EXOC4: variants seen among roughly 807,000 people sequenced by gnomAD.
The protein encoded by EXOC4 is SEC8-like 1.
In EXOC4, 71 loss-of-function variants were observed where a neutral mutation model predicts 107.2. The observed-to-expected ratio is 0.66, with a 90% CI of 0.55 to 0.81. The LOEUF (loss-of-function observed/expected upper bound fraction) is 0.81. Among genes scored for constraint, EXOC4 ranks in the 30% least tolerant of loss-of-function variants. The pLI is 0.00. For missense variants in EXOC4, 1,108 were observed against 1,189.6 expected (o/e 0.93, Z 1.01); for synonymous variants, 456 against 441.2 (o/e 1.03, Z -0.42).
intron 10 of EXOC4, among the ~76,000 whole-genome samples, chr7:133,786,497 A>G (rs973509683): frequency 1.3e-5 from 2 of 152,264 alleles, no homozygotes; most frequent in Non-Finnish European, 1.5e-5. Flanking sequence ...AGCACGGCCC[A>G]GAACGTAACT....
rs1799119460 is a variant in EXOC4 at position 133,480,153 on chromosome 7, T to G, written c.1417+15T>G. On this transcript the variant is annotated intron_variant, in intron 9 of 17. Transcript: ENST00000253861. ...AGAACTGCAAGGTGAGTGATTGAGC[T>G]TCTCTGGAAAAATTAATTTTCTGGA... is the stretch of plus-strand genomic sequence containing the variant. 6.2e-7 allele frequency: 1 copy of G among 1,613,120 alleles called. No individual in the cohort carries two copies. Among genetic ancestry groups the G allele is most frequent in the Non-Finnish European group, 8.5e-7 (1 of 1,179,286 alleles).
chr7:133,290,336 G>T (rs1287514288), intron 3 of EXOC4, among the ~76,000 whole-genome samples: 1 of 152,102 alleles, frequency 6.6e-6, no homozygotes, highest in East Asian at 1.9e-4. Flanking sequence ...ATTGACTCTT[G>T]GGAATGACAA....
At chr7:134,003,340 G>T (rs1434569637) in intron 15 of EXOC4, among the ~76,000 whole-genome samples, 1 of 152,140 alleles carries the variant, frequency 6.6e-6, no homozygotes, top group African/African-American at 2.4e-5. Flanking sequence ...TTTTGGAGGA[G>T]ATGTTTGTGT....
At chr7:134,007,887 G>T (rs781634631) in intron 17 of EXOC4, 52 bp downstream of exon 17, 41 of 1,501,778 alleles carry the variant, frequency 2.7e-5, no homozygotes, top group South Asian at 7.9e-5. Flanking sequence ...AGACCTCGTT[G>T]CCTGTGAAGT....
chr7:133,759,144 ATTTT>A (rs34768347), intron 10 of EXOC4, among the ~76,000 whole-genome samples: 1 of 140,624 alleles, frequency 7.1e-6, no homozygotes. Context: ...CAACAAAAGA[ATTTT>A]TTTTTTTTTT....
At chr7:133,922,141 T>C (rs574125349) in intron 13 of EXOC4, among the ~76,000 whole-genome samples, 48 of 152,268 alleles carry the variant, frequency 3.2e-4, no homozygotes, top group African/African-American at 1.1e-3. Context: ...ATTTATTATA[T>C]ATACATACTT....
chr7:133,281,523 A>G (rs973804687), intron 2 of EXOC4, among the ~76,000 whole-genome samples: 1 of 151,912 alleles, frequency 6.6e-6, no homozygotes, highest in African/African-American at 2.4e-5. Flanking sequence ...AATGATGTCG[A>G]CACATTAATT....
intron 10 of EXOC4, among the ~76,000 whole-genome samples, chr7:133,697,068 T>C (rs972669809): frequency 1.3e-5 from 2 of 152,200 alleles, no homozygotes; most frequent in African/African-American, 4.8e-5. Flanking sequence ...CTACACTCCA[T>C]CCCTGGTGAT....
chr7:133,403,870 A>G (rs1797149104), intron 7 of EXOC4, among the ~76,000 whole-genome samples: 2 of 152,134 alleles, frequency 1.3e-5, no homozygotes, highest in Admixed American at 6.5e-5. Context: ...GTTTGCCGTC[A>G]GAAAAGTCCC....
chr7:133,289,999 G>GT (rs1286228003), intron 3 of EXOC4, among the ~76,000 whole-genome samples: 14 of 152,200 alleles, frequency 9.2e-5, no homozygotes, highest in Admixed American at 3.3e-4. Flanking sequence ...AGGGGAATTG[G>GT]TAGGGACACA....
chr7:133,539,970 A>C (rs1348622302), intron 9 of EXOC4, among the ~76,000 whole-genome samples: 4 of 152,148 alleles, frequency 2.6e-5, no homozygotes, highest in Non-Finnish European at 5.9e-5. Context: ...GAAATCTCAC[A>C]ATCCCTTCTT....
chr7:133,477,767 T>C (rs1268351200), intron 8 of EXOC4, among the ~76,000 whole-genome samples: 1 of 152,386 alleles, frequency 6.6e-6, no homozygotes, highest in East Asian at 1.9e-4. Context: ...TAAATCTTTT[T>C]AAATTAGTAC....
At chr7:133,430,469 ATATCAATAATATTCCAT>A (rs1461556999) in intron 7 of EXOC4, among the ~76,000 whole-genome samples, 1 of 152,208 alleles carries the variant, frequency 6.6e-6, no homozygotes, top group African/African-American at 2.4e-5. Flanking sequence ...CTTCTGGTCC[ATATCAATAATATTCCAT>A]TATATGGACA....
intron 12 of EXOC4, among the ~76,000 whole-genome samples, chr7:133,896,769 G>T (rs903733814): frequency 2.0e-5 from 3 of 146,616 alleles, no homozygotes; most frequent in Admixed American, 6.7e-5. Flanking sequence ...AGGTTCAAGC[G>T]ATTCTCCTGC....
chr7:133,495,119 G>A (rs1369300875), intron 9 of EXOC4, among the ~76,000 whole-genome samples: 1 of 151,942 alleles, frequency 6.6e-6, no homozygotes, highest in Non-Finnish European at 1.5e-5. Flanking sequence ...GAGTATAGTG[G>A]CACATATCTG....
intron 7 of EXOC4, among the ~76,000 whole-genome samples, chr7:133,407,636 C>T (rs2150740779): frequency 6.6e-6 from 1 of 152,188 alleles, no homozygotes; most frequent in Non-Finnish European, 1.5e-5. Context: ...AGATGTAGTC[C>T]ACAGCAAACT....
intron 1 of EXOC4, among the ~76,000 whole-genome samples, chr7:133,257,644 A>G (rs1015806394): frequency 6.6e-6 from 1 of 152,180 alleles, no homozygotes; most frequent in African/African-American, 2.4e-5. Flanking sequence ...TGGGAAGACA[A>G]ACTTTGGTTG....
intron 10 of EXOC4, among the ~76,000 whole-genome samples, chr7:133,808,649 C>G (rs1797138462): frequency 6.6e-6 from 1 of 152,156 alleles, no homozygotes. Flanking sequence ...CATGGCCTCA[C>G]TTGGGTTTGA....
intron 5 of EXOC4, among the ~76,000 whole-genome samples, chr7:133,330,390 A>G (rs920689692): frequency 6.6e-6 from 1 of 151,904 alleles, no homozygotes; most frequent in Non-Finnish European, 1.5e-5. Flanking sequence ...ACTGAGCCAG[A>G]ACTTCGCTCC....
Sources: allele counts gnomAD v4.1 joint callset (sites outside exome capture counted in the v4.1 genomes callset), GRCh38; gene constraint gnomAD v4.1.1; transcripts MANE v1.5; gene names NCBI Gene and HGNC (gene_info 2026-07-23, HGNC 2026-07-21).